The following ZC3H12B variants were observed in gnomAD, a reference collection of about 807,000 sequenced individuals.
ZC3H12B encodes the protein zinc finger CCCH-type containing 12B.
A neutral mutation model predicts 43.9 loss-of-function variants in ZC3H12B; 7 were observed. The ratio of observed to expected loss-of-function variants is 0.16; its 90% CI spans 0.09 to 0.30. The LOEUF is 0.30. Ranked by LOEUF, ZC3H12B falls within the 10% of genes least tolerant of loss-of-function variation. The pLI is 1.00. For missense variants in ZC3H12B, 475 were observed against 670.2 expected, an observed-to-expected ratio of 0.71 and a Z score of 3.22; for synonymous variants, 222 against 241.7, an observed-to-expected ratio of 0.92 and a Z score of 0.76.
the ZC3H12B span, among the ~76,000 whole-genome samples, chrX:65,264,506 C>T: frequency 9.0e-6 from 1 of 111,549 alleles, no homozygotes; most frequent in African/African-American, 3.3e-5. Flanking sequence ...ATCTCATTTC[C>T]ATACCAAGAG....
At chrX:65,409,978 C>T (rs1023111999) in intron 3 of ZC3H12B, among the ~76,000 whole-genome samples, 7 of 110,088 alleles carry the variant, frequency 6.4e-5, no homozygotes, top group African/African-American at 2.3e-4. Flanking sequence ...TTTATATAGG[C>T]ATACATAAGA....
intron 2 of ZC3H12B, among the ~76,000 whole-genome samples, chrX:65,387,671 G>A (rs1160378808): frequency 1.8e-5 from 2 of 111,904 alleles, no homozygotes; most frequent in Non-Finnish European, 3.8e-5. Flanking sequence ...GTGTGAATTT[G>A]ATCCTGTCAT....
At position 65,444,631 on chromosome X, in the gene ZC3H12B, T is replaced by C. The variant is rs2067351394; in HGVS notation, n.408-44015T>C. Among the ~76,000 whole-genome samples the C allele has an allele frequency of 2.7e-5, 3 of 111,775 alleles. No individual in the cohort carries two copies. In the South Asian group the frequency reaches 1.1e-3, roughly 41 times the overall value. On this transcript the variant is annotated intron_variant and non_coding_transcript_variant, in intron 3 of 5. Coordinates refer to the ZC3H12B transcript ENST00000617377. ...ATGAAAATGGACTAATACAGTAAAT[T>C]GGTACCGGTAGAGTGGGGTGTTACT...
the ZC3H12B span, among the ~76,000 whole-genome samples, chrX:65,216,786 G>A: frequency 8.9e-6 from 1 of 111,961 alleles, no homozygotes; most frequent in Admixed American, 9.5e-5. Flanking sequence ...AAATATCAGA[G>A]GGATTCCTTA....
the ZC3H12B span, among the ~76,000 whole-genome samples, chrX:65,333,160 A>G: frequency 1.8e-5 from 2 of 111,403 alleles, no homozygotes; most frequent in Non-Finnish European, 3.8e-5. Flanking sequence ...CAGGTAAGGA[A>G]CTATGCACAG....
the ZC3H12B span, among the ~76,000 whole-genome samples, chrX:65,306,810 T>C: frequency 2.7e-5 from 3 of 112,723 alleles, no homozygotes; most frequent in African/African-American, 9.7e-5. Flanking sequence ...AAAGGTGTTG[T>C]ATATTCCTTC....
At chrX:65,301,643 G>A in the ZC3H12B span, among the ~76,000 whole-genome samples, 7 of 111,233 alleles carry the variant, frequency 6.3e-5, no homozygotes, top group Admixed American at 6.7e-4. Context: ...ACTCATAAGT[G>A]GGAGCTAAGC....
chrX:65,347,688 A>G, the ZC3H12B span, among the ~76,000 whole-genome samples: 16 of 110,855 alleles, frequency 1.4e-4, no homozygotes, highest in East Asian at 8.4e-4. Flanking sequence ...CGATTCCTCA[A>G]GGATCTAGAA....
At chrX:65,223,634 C>A in the ZC3H12B span, among the ~76,000 whole-genome samples, 7 of 112,080 alleles carry the variant, frequency 6.2e-5, no homozygotes, top group Non-Finnish European at 1.3e-4. Flanking sequence ...AGTAAACAAA[C>A]AATACTATCA....
chrX:65,051,595 C>G, the ZC3H12B span, among the ~76,000 whole-genome samples: 1 of 111,595 alleles, frequency 9.0e-6, no homozygotes, highest in East Asian at 2.8e-4. Context: ...AAGAAACTAT[C>G]CTCCAAACAT....
chrX:65,053,070 CCTG>C, the ZC3H12B span, among the ~76,000 whole-genome samples: 1 of 111,019 alleles, frequency 9.0e-6, no homozygotes, highest in African/African-American at 3.3e-5. Flanking sequence ...AGTATTCCCT[CCTG>C]CTCTATTGTT....
At chrX:65,194,526 G>C in the ZC3H12B span, among the ~76,000 whole-genome samples, 2 of 111,508 alleles carry the variant, frequency 1.8e-5, no homozygotes, top group East Asian at 5.6e-4. Flanking sequence ...ATTCCTTTGT[G>C]GTCACATAAG....
the ZC3H12B span, among the ~76,000 whole-genome samples, chrX:65,351,063 C>T: frequency 2.9e-4 from 32 of 112,032 alleles, no homozygotes; most frequent in African/African-American, 1.0e-3. Flanking sequence ...TGCTACCTGA[C>T]TTCAAAATAT....
At chrX:65,263,727 T>C in the ZC3H12B span, among the ~76,000 whole-genome samples, 1 of 111,611 alleles carries the variant, frequency 9.0e-6, no homozygotes. Flanking sequence ...TGTAAGTTAG[T>C]ACAACTTCTA....
the ZC3H12B span, among the ~76,000 whole-genome samples, chrX:65,266,612 C>T: frequency 5.4e-5 from 6 of 111,780 alleles, no homozygotes; most frequent in African/African-American, 1.3e-4. Flanking sequence ...TGAATTGCTA[C>T]CTACCATACC....
chrX:65,206,357 CAAACACTTACAGCCA>C, the ZC3H12B span, among the ~76,000 whole-genome samples: 1 of 111,568 alleles, frequency 9.0e-6, no homozygotes. Context: ...GAAATAAAGC[CAAACACTTACAGCCA>C]ACTGATCTTT....
intron 3 of ZC3H12B, among the ~76,000 whole-genome samples, chrX:65,471,665 G>A (rs1302074744): frequency 9.1e-6 from 1 of 109,392 alleles, no homozygotes; most frequent in African/African-American, 3.3e-5. Context: ...TGATCAGGCT[G>A]GTCTCAAACT....
At chrX:65,347,623 T>C in the ZC3H12B span, among the ~76,000 whole-genome samples, 1 of 112,012 alleles carries the variant, frequency 8.9e-6, no homozygotes, top group Non-Finnish European at 1.9e-5. Flanking sequence ...TAGGAACACT[T>C]TTACACTGTT....
At chrX:65,232,394 G>T in the ZC3H12B span, among the ~76,000 whole-genome samples, 2 of 111,184 alleles carry the variant, frequency 1.8e-5, no homozygotes, top group Non-Finnish European at 3.8e-5. Flanking sequence ...CTGACTTCCC[G>T]CAACATGCAA....
Sources: gnomAD v4.1 joint callset for allele counts (sites outside exome capture counted in the v4.1 genomes callset) on GRCh38, gnomAD v4.1.1 for gene constraint, MANE v1.5 for transcripts, NCBI Gene and HGNC (gene_info 2026-07-23, HGNC 2026-07-21) for gene names.